Variants in GATA4 observed in about 807,000 individuals in gnomAD.
GATA4 encodes the protein GATA binding protein 4.
GATA4 carries 7 observed loss-of-function variants against 37.9 expected under a neutral mutation model. The ratio of observed to expected loss-of-function variants is 0.18; its 90% confidence interval spans 0.11 to 0.35. GATA4 has a LOEUF of 0.35. Ranked by LOEUF, GATA4 falls within the 10% of genes least tolerant of loss-of-function variation. The probability of loss-of-function intolerance (pLI) is 1.00; values close to 1 mark genes in which losing one functional copy is unlikely to be tolerated. For synonymous variants in GATA4, 372 were observed against 292.6 expected (o/e 1.27, Z -2.77); for missense variants, 647 against 653.0 (o/e 0.99, Z 0.10).
rs921886321 is a variant in GATA4 at position 11,758,586 on chromosome 8, A to C, written c.*111A>C. On this transcript the variant is annotated 3_prime_UTR_variant, in exon 7 of 7. Transcript: ENST00000532059. The stretch of plus-strand genomic sequence containing the variant: ...GCCTCCTCTGCCTGGTAATGACTCC[A>C]GAACAACAACTGGGAAGAAACTTGA... The C allele has an allele frequency of 9.6e-7, 1 of 1,039,582 alleles. No individual in the cohort carries two copies. The highest frequency in any genetic ancestry group is 1.8e-5 in the Admixed American group (1 of 55,358). The allele number at this position is 1,039,582 out of a possible 1,614,324, so 64.4% of individuals were successfully genotyped here.
intron 2 of GATA4, among the ~76,000 whole-genome samples, chr8:11,736,336 T>G (rs1801452131): frequency 6.6e-6 from 1 of 152,194 alleles, no homozygotes; most frequent in Admixed American, 6.5e-5. Flanking sequence ...AGCCTAGAAA[T>G]CATCTGTTCC....
At chr8:11,720,856 T>G (rs1261266930) in intron 2 of GATA4, among the ~76,000 whole-genome samples, 4 of 152,108 alleles carry the variant, frequency 2.6e-5, no homozygotes, top group African/African-American at 9.7e-5. Context: ...CTGCTTGGGC[T>G]TTGCTTTTCA....
intron 2 of GATA4, among the ~76,000 whole-genome samples, chr8:11,746,442 A>G (rs1406236561): frequency 6.6e-6 from 1 of 152,176 alleles, no homozygotes; most frequent in African/African-American, 2.4e-5. Context: ...AGGTGATCTT[A>G]CAAGGCCTCT....
intron 1 of GATA4, among the ~76,000 whole-genome samples, chr8:11,696,195 C>G (rs977071655): frequency 6.6e-5 from 10 of 152,162 alleles, no homozygotes; most frequent in African/African-American, 2.4e-4. Flanking sequence ...TTGACATACA[C>G]ACAAATTGTG....
Position 11,708,903 on chromosome 8 carries a change from C to T in GATA4, c.591C>T (p.Asn197=), listed in dbSNP as rs1299770989. ...PVLHSLPGRA[N]PAARHPNLVD... The stretch of plus-strand genomic sequence containing the variant: ...TGCACAGCCTGCCCGGCCGGGCCAA[C>T]CCGGCCGCCCGACACCCCAATCTCG... Residue 197 remains asparagine, a synonymous_variant, in exon 2 of 7, where the codon AAC becomes AAT. Coordinates refer to ENST00000532059, the MANE Select transcript of GATA4 (RefSeq NM_001308093.3). This position sits in a 1 kb window ranked among gnomAD's most constrained non-coding sequence, Gnocchi z 6.7. The T allele has an allele frequency of 6.5e-7, 1 of 1,527,860 alleles. No individual in the cohort carries two copies. The highest frequency in any genetic ancestry group is 1.2e-5 in the South Asian group (1 of 83,614). 94.6% of individuals were successfully genotyped at this position (1,527,860 alleles called of 1,614,324 possible). A position where few individuals can be genotyped will look rare whatever the true frequency, so the allele number is the denominator to read the frequency against.
chr8:11,733,903 A>T (rs1801328170), intron 2 of GATA4, among the ~76,000 whole-genome samples: 2 of 152,224 alleles, frequency 1.3e-5, no homozygotes, highest in Admixed American at 6.5e-5. Context: ...ACACAGAGGC[A>T]TTAAGAGCCA....
At chr8:11,714,408 T>C (rs568833785) in intron 2 of GATA4, among the ~76,000 whole-genome samples, 1 of 152,310 alleles carries the variant, frequency 6.6e-6, no homozygotes, top group South Asian at 2.1e-4. Context: ...GTTTTCTGGA[T>C]CTTTTGGGAC....
rs56191129 is a variant in GATA4 at position 11,708,590 on chromosome 8, G to A, written c.278G>A (p.Gly93Glu). Reference protein sequence around the residue: ...QQGSPGWSQAGADGAAYTPPP... With the variant: ...QQGSPGWSQAEADGAAYTPPP... ...GGCAGCCCGGGATGGAGCCAGGCGGGAGCCGACGGAGCCGCTTACACCCCG... is the reference window on the plus strand; with the variant it reads ...GGCAGCCCGGGATGGAGCCAGGCGGAAGCCGACGGAGCCGCTTACACCCCG... Residue 93 changes from glycine to glutamate, a missense_variant, in exon 2 of 7, where the codon GGA becomes GAA. By Grantham distance (98) the Gly-to-Glu change is moderately conservative. Transcript: ENST00000532059. The surrounding 1 kb of genome is among the most constrained non-coding windows in gnomAD (Gnocchi z 6.7). The A allele has an allele frequency of 8.8e-6, 12 of 1,357,252 alleles. No homozygotes were observed. The highest frequency in any genetic ancestry group is 1.1e-5 in the Non-Finnish European group (12 of 1,058,156). 84.1% of individuals were successfully genotyped at this position (1,357,252 alleles called of 1,614,324 possible). A position where few individuals can be genotyped will look rare whatever the true frequency, so the allele number is the denominator to read the frequency against.
chr8:11,680,942 C>T, intron 1 of GATA4: 4 of 985,338 alleles, frequency 4.1e-6, no homozygotes, highest in Non-Finnish European at 4.8e-6. Flanking sequence ...TCAAAATGGT[C>T]ACTGTGTCCC....
chr8:11,729,058 C>T (rs978056207), intron 2 of GATA4, among the ~76,000 whole-genome samples: 8 of 151,976 alleles, frequency 5.3e-5, no homozygotes, highest in African/African-American at 1.9e-4. Context: ...CATGGTGAAA[C>T]CCCTTCTCTA....
chr8:11,706,250 T>G (rs1474702132), intron 1 of GATA4, among the ~76,000 whole-genome samples: 1 of 152,220 alleles, frequency 6.6e-6, no homozygotes, highest in Non-Finnish European at 1.5e-5. Context: ...ACTAGTGATG[T>G]TGCAAAAAAT....
intron 1 of GATA4, among the ~76,000 whole-genome samples, chr8:11,693,562 C>CACACACACAG (rs1405047773): frequency 1.8e-4 from 13 of 72,228 alleles, no homozygotes; most frequent in African/African-American, 6.0e-4. Context: ...CACACACACA[C>CACACACACAG]AGAGAGAGAG....
chr8:11,687,857 C>G (rs946158896), upstream of GATA4, among the ~76,000 whole-genome samples: 2 of 152,240 alleles, frequency 1.3e-5, no homozygotes, highest in East Asian at 3.9e-4. Context: ...ACTGATCAAG[C>G]CCTGCCCCCG....
chr8:11,737,182 A>T (rs1369385060), intron 2 of GATA4, among the ~76,000 whole-genome samples: 1 of 151,792 alleles, frequency 6.6e-6, no homozygotes, highest in Non-Finnish European at 1.5e-5. Context: ...CCCACGTATA[A>T]ATTTCTACAC....
In GATA4 at chr8:11,709,794, C is replaced by T. The variant is rs1440339167; in HGVS notation, c.616+866C>T. The stretch of plus-strand genomic sequence containing the variant: ...GGGAGGGACGGCAAACCTGTCTCAA[C>T]CTCCACTGATTCACAAATAAACGCA... On this transcript the variant is annotated intron_variant, in intron 2 of 6. Coordinates refer to ENST00000532059, the MANE Select transcript of GATA4 (RefSeq NM_001308093.3). This position sits in a 1 kb window ranked among gnomAD's most constrained non-coding sequence, Gnocchi z 4.3. 6.6e-6 allele frequency among the ~76,000 whole-genome samples: 1 copy of T among 152,174 alleles called. No individual in the cohort carries two copies. The highest frequency in any genetic ancestry group is 2.4e-5 in the African/African-American group (1 of 41,440).
intron 2 of GATA4, among the ~76,000 whole-genome samples, chr8:11,710,621 C>G (rs1800136780): frequency 1.5e-5 from 2 of 133,894 alleles, no homozygotes; most frequent in African/African-American, 2.8e-5. Context: ...ACCCGGGAGG[C>G]AGAAGTTGCA....
At chr8:11,721,215 C>G (rs1800660139) in intron 2 of GATA4, among the ~76,000 whole-genome samples, 1 of 151,216 alleles carries the variant, frequency 6.6e-6, no homozygotes, top group African/African-American at 2.4e-5. Context: ...CAAGGCCAGG[C>G]TTCCTGGGCA....
At chr8:11,736,072 C>T (rs866213657) in intron 2 of GATA4, among the ~76,000 whole-genome samples, 5 of 151,960 alleles carry the variant, frequency 3.3e-5, no homozygotes, top group Middle Eastern at 3.2e-3. Flanking sequence ...CCACCAAGCC[C>T]AGCTAATTAT....
At chr8:11,748,561 G>T in intron 2 of GATA4, among the ~76,000 whole-genome samples, 1 of 152,252 alleles carries the variant, frequency 6.6e-6, no homozygotes, top group Non-Finnish European at 1.5e-5. Flanking sequence ...AACTTTGAAA[G>T]GGAAAAAGAG....
Sources: allele counts gnomAD v4.1 joint callset (sites outside exome capture counted in the v4.1 genomes callset), GRCh38; gene constraint gnomAD v4.1.1; non-coding constraint Gnocchi (gnomAD v3.1); transcripts MANE v1.5; gene names NCBI Gene and HGNC (gene_info 2026-07-23, HGNC 2026-07-21).